Variants in PCAT7 observed in about 807,000 individuals in gnomAD.
The protein encoded by PCAT7 is prostate cancer associated transcript 7.
intron 3 of PCAT7, among the ~76,000 whole-genome samples, chr9:94,573,626 CACTG>C (rs1366423727): frequency 6.6e-6 from 1 of 152,164 alleles, no homozygotes; most frequent in Non-Finnish European, 1.5e-5. Flanking sequence ...TGGTGGATTA[CACTG>C]ACTGATTATG....
intron 2 of PCAT7, among the ~76,000 whole-genome samples, chr9:94,561,732 G>A (rs890406653): frequency 2.0e-5 from 3 of 152,150 alleles, no homozygotes; most frequent in Admixed American, 2.0e-4. Flanking sequence ...CAGGATAGGA[G>A]TGTGCACATG....
chr9:94,569,876 C>G (rs1437047392), intron 2 of PCAT7: 1 of 152,354 alleles, frequency 6.6e-6, no homozygotes, highest in East Asian at 1.9e-4. Context: ...TTTGACCCAC[C>G]AGGGAATGCT....
At chr9:94,567,278 A>G in intron 2 of PCAT7, 1 of 1,614,138 alleles carries the variant, frequency 6.2e-7, no homozygotes, top group Non-Finnish European at 8.5e-7. Context: ...ACCTCAGGGA[A>G]TTTCTTTTTC....
intron 2 of PCAT7, among the ~76,000 whole-genome samples, chr9:94,571,177 G>A (rs751164705): frequency 6.6e-6 from 1 of 152,160 alleles, no homozygotes; most frequent in Non-Finnish European, 1.5e-5. Flanking sequence ...ATTCTCATAA[G>A]CCAAAGAGAT....
At chr9:94,557,599 A>G (rs1827029985) in intron 1 of PCAT7, among the ~76,000 whole-genome samples, 2 of 152,224 alleles carry the variant, frequency 1.3e-5, no homozygotes, top group Non-Finnish European at 2.9e-5. Context: ...ACCCTGCCCA[A>G]GCTAAAGTGG....
intron 3 of PCAT7, among the ~76,000 whole-genome samples, chr9:94,574,464 CTCTT>C (rs969500665): frequency 6.6e-6 from 1 of 151,898 alleles, no homozygotes; most frequent in African/African-American, 2.4e-5. Flanking sequence ...TGTAAGTTGT[CTCTT>C]TCATGTCTTG....
At chr9:94,563,696 A>G (rs1000340330) in intron 2 of PCAT7, among the ~76,000 whole-genome samples, 1 of 151,310 alleles carries the variant, frequency 6.6e-6, no homozygotes, top group Admixed American at 6.6e-5. Flanking sequence ...GTATGAGACA[A>G]TATCCTGCAG....
chr9:94,568,985 G>C (rs597003), intron 2 of PCAT7: 73,761 of 151,858 alleles, frequency 0.49, 18,504 homozygotes, highest in African/African-American at 0.6. Context: ...TGCAGTGCCT[G>C]CTAAATCTAA....
chr9:94,567,872 T>C lies in PCAT7; in HGVS notation n.442-5107T>C, dbSNP rs180826417. ...GGCTGGGCGCAGTGGCTTATGCATG[T>C]AATCCCAGCACTTTGGGAGGCCGAG... On this transcript the variant is annotated intron_variant and non_coding_transcript_variant, in intron 2 of 8. Transcript: ENST00000647389. 1,514 of 154,300 alleles carry C rather than the reference T, an allele frequency of 9.8e-3. 8 individuals are homozygous for C. Among genetic ancestry groups the C allele is most frequent in the Non-Finnish European group, 0.016 (1,092 of 69,282 alleles). 9.6% of individuals were successfully genotyped at this position (154,300 alleles called of 1,614,324 possible).
At chr9:94,567,460 C>T in intron 2 of PCAT7, 1 of 1,586,060 alleles carries the variant, frequency 6.3e-7, no homozygotes, top group Non-Finnish European at 8.6e-7. Flanking sequence ...GGAAACAAGC[C>T]AACCGCACAA....
intron 2 of PCAT7, chr9:94,563,470 CAG>C (rs762779812): frequency 5.0e-6 from 8 of 1,611,710 alleles, no homozygotes; most frequent in African/African-American, 2.7e-5. Context: ...TCCTAGAAGA[CAG>C]AAAGCGAAGA....
chr9:94,568,376 T>C (rs1827224211), intron 2 of PCAT7: 2 of 152,188 alleles, frequency 1.3e-5, no homozygotes, highest in South Asian at 2.1e-4. Context: ...CTGCAGGGCA[T>C]CTCTCAAATA....
At chr9:94,557,282 C>T (rs903146316) in intron 1 of PCAT7, among the ~76,000 whole-genome samples, 3 of 152,302 alleles carry the variant, frequency 2.0e-5, no homozygotes, top group Admixed American at 2.0e-4. Flanking sequence ...TAGTTGAACA[C>T]AGATTGCATT....
At chr9:94,559,111 T>A (rs925744359) in exon 2 of PCAT7, 1 of 1,613,028 alleles carries the variant, frequency 6.2e-7, no homozygotes, top group Non-Finnish European at 8.5e-7. Flanking sequence ...GCCACGGGAT[T>A]GCATTCATAC....
chr9:94,563,534 G>A, intron 2 of PCAT7: 1 of 1,551,810 alleles, frequency 6.4e-7, no homozygotes, highest in Non-Finnish European at 8.8e-7. Flanking sequence ...GTGGTCACAA[G>A]TCCAGTTGGT....
intron 2 of PCAT7, among the ~76,000 whole-genome samples, chr9:94,566,541 G>A (rs964954464): frequency 6.6e-6 from 1 of 152,204 alleles, no homozygotes; most frequent in African/African-American, 2.4e-5. Flanking sequence ...CTGGCTTGCT[G>A]TTAATAAATA....
chr9:94,571,283 G>A (rs1217451521), intron 2 of PCAT7, among the ~76,000 whole-genome samples: 2 of 152,112 alleles, frequency 1.3e-5, no homozygotes, highest in Admixed American at 6.5e-5. Flanking sequence ...GCCCTCACTG[G>A]GACAGAGGCC....
rs1380700200 is a variant in PCAT7, at chr9:94,569,618, T to C, written n.442-3361T>C. The C allele has an allele frequency of 2.0e-5, 3 of 152,384 alleles. No homozygotes were observed. The East Asian group carries it at 5.8e-4, about 29-fold the overall frequency. The allele number at this position is 152,384 out of a possible 1,614,324, so 9.4% of individuals were successfully genotyped here. A position where few individuals can be genotyped will look rare whatever the true frequency, so the allele number is the denominator to read the frequency against. The stretch of plus-strand genomic sequence containing the variant: ...TGGAAAATGTGTTCCTTTGTTCTGA[T>C]TGTGTGGTCACCAACAACGGCTGAT... On this transcript the variant is annotated intron_variant and non_coding_transcript_variant, in intron 2 of 8. Coordinates refer to ENST00000647389, the Ensembl canonical transcript of PCAT7.
chr9:94,561,556 G>A (rs959156874), intron 2 of PCAT7, among the ~76,000 whole-genome samples: 13 of 151,878 alleles, frequency 8.6e-5, no homozygotes, highest in East Asian at 1.9e-4. Context: ...TAGTAGAGAC[G>A]GGGTTTCACT....
Sources: allele counts gnomAD v4.1 joint callset (sites outside exome capture counted in the v4.1 genomes callset), GRCh38; gene constraint gnomAD v4.1.1; transcripts MANE v1.5; gene names NCBI Gene and HGNC (gene_info 2026-07-23, HGNC 2026-07-21).